Variants in FRMD4A observed in about 807,000 individuals in gnomAD.
The protein encoded by FRMD4A is FERM domain-containing protein 4A.
A neutral mutation model predicts 129.1 loss-of-function variants in FRMD4A; 29 were observed. The observed-to-expected ratio is 0.22, with a 90% CI of 0.17 to 0.31. The LOEUF (loss-of-function observed/expected upper bound fraction) is 0.31. Among genes scored for constraint, FRMD4A ranks in the 10% least tolerant of loss-of-function variants. The pLI, the probability that FRMD4A is intolerant of heterozygous loss-of-function variation, is 1.00. For synonymous variants in FRMD4A, 634 were observed against 571.6 expected, an observed-to-expected ratio of 1.11 and a Z score of -1.56; for missense variants, 1,272 against 1,375.8, an observed-to-expected ratio of 0.92 and a Z score of 1.19.
At chr10:13,676,136 G>C (rs1474684490) in intron 15 of FRMD4A, 2 of 152,064 alleles carry the variant, frequency 1.3e-5, no homozygotes, top group African/African-American at 4.8e-5. Context: ...GTAATTTCTG[G>C]GCTGCCAGTG....
chr10:14,300,930 T>C (rs1846162735), intron 2 of FRMD4A, among the ~76,000 whole-genome samples: 1 of 152,192 alleles, frequency 6.6e-6, no homozygotes, highest in African/African-American at 2.4e-5. Flanking sequence ...CTGAGAGTTT[T>C]GGCCAACAAA....
chr10:13,777,548 C>G (rs577773053), intron 6 of FRMD4A, among the ~76,000 whole-genome samples: 1 of 152,194 alleles, frequency 6.6e-6, no homozygotes, highest in East Asian at 1.9e-4. Context: ...AGCATGTGGG[C>G]TGATGCTGTC....
chr10:14,036,042 CAAAAAA>C (rs10596694), intron 2 of FRMD4A, among the ~76,000 whole-genome samples: 5 of 134,040 alleles, frequency 3.7e-5, no homozygotes, highest in Non-Finnish European at 4.8e-5. Context: ...AACTCCACCT[CAAAAAA>C]AAAAAAAAAA....
chr10:14,188,306 CT>C (rs1842210608), intron 2 of FRMD4A, among the ~76,000 whole-genome samples: 2 of 152,156 alleles, frequency 1.3e-5, no homozygotes, highest in African/African-American at 4.8e-5. Flanking sequence ...GGTTTGGTTG[CT>C]TTTCTCAGAC....
chr10:14,129,363 T>C (rs1434338384), intron 2 of FRMD4A, among the ~76,000 whole-genome samples: 1 of 112,370 alleles, frequency 8.9e-6, no homozygotes, highest in African/African-American at 3.3e-5. Flanking sequence ...AACAACACAA[T>C]TATGATTCAT....
intron 2 of FRMD4A, among the ~76,000 whole-genome samples, chr10:13,962,538 AT>A (rs934991892): frequency 6.6e-6 from 1 of 152,118 alleles, no homozygotes; most frequent in Non-Finnish European, 1.5e-5. Flanking sequence ...TGAAATATGC[AT>A]TTTTTCAAGG....
intron 9 of FRMD4A, among the ~76,000 whole-genome samples, chr10:13,740,821 A>AT (rs1368392741): frequency 1.1e-5 from 1 of 87,348 alleles, no homozygotes; most frequent in African/African-American, 5.8e-5. Flanking sequence ...TTTGTCTTGG[A>AT]TGTTTGTTTT....
chr10:13,656,819 C>T lies in FRMD4A; in HGVS notation c.2770G>A (p.Val924Ile), dbSNP rs779709485. The change falls in exon 22 of 25, where the codon GTC becomes ATC. Residue 924 changes from valine to isoleucine, a missense_variant. Transcript: ENST00000357447. ...AHDKGAGRAA[V>I]SDELRQWYQR... Reference sequence around the variant, plus strand: ...TACCACTGGCGCAGCTCGTCTGAGACGGCGGCACGGCCCGCGCCCTTGTCG... The same window carrying T: ...TACCACTGGCGCAGCTCGTCTGAGATGGCGGCACGGCCCGCGCCCTTGTCG... 5.7e-6 allele frequency: 9 copies of T among 1,573,244 alleles called. No homozygotes were observed. The highest frequency in any genetic ancestry group is 7.7e-6 in the Non-Finnish European group (9 of 1,162,992).
chr10:13,903,250 C>G (rs1565006335), intron 2 of FRMD4A, among the ~76,000 whole-genome samples: 1 of 152,172 alleles, frequency 6.6e-6, no homozygotes, highest in Non-Finnish European at 1.5e-5. Context: ...TCCCCCCGTT[C>G]CTAATCCCTT....
intron 6 of FRMD4A, among the ~76,000 whole-genome samples, chr10:13,779,321 A>AG (rs199552812): frequency 0.078 from 1,303 of 16,720 alleles, 16 homozygotes; most frequent in African/African-American, 0.18. Context: ...ATCTCCAAGA[A>AG]AAAAAAAAAA....
chr10:13,862,450 A>G (rs543164813), intron 2 of FRMD4A, among the ~76,000 whole-genome samples: 2 of 152,372 alleles, frequency 1.3e-5, no homozygotes, highest in South Asian at 4.1e-4. Flanking sequence ...AATAATCCTC[A>G]TTACATAAAA....
intron 3 of FRMD4A, among the ~76,000 whole-genome samples, chr10:13,815,937 CT>C (rs2093535129): frequency 6.6e-6 from 1 of 152,176 alleles, no homozygotes; most frequent in African/African-American, 2.4e-5. Flanking sequence ...GGTGATATGT[CT>C]CTCTGATTTA....
chr10:13,772,794 C>G (rs1357854263), intron 6 of FRMD4A, among the ~76,000 whole-genome samples: 9 of 151,994 alleles, frequency 5.9e-5, no homozygotes, highest in Non-Finnish European at 1.3e-4. Context: ...AGGATGGTTA[C>G]CAGAGGTTGG....
At chr10:14,174,455 G>A (rs939960847) in intron 2 of FRMD4A, among the ~76,000 whole-genome samples, 1 of 152,194 alleles carries the variant, frequency 6.6e-6, no homozygotes, top group Non-Finnish European at 1.5e-5. Context: ...GAGGCGAGGG[G>A]GGCTGAGCCG....
At chr10:13,676,098 C>T (rs535955091) in intron 15 of FRMD4A, 2 of 152,154 alleles carry the variant, frequency 1.3e-5, no homozygotes, top group East Asian at 3.9e-4. Flanking sequence ...GAAATGCCAT[C>T]TGGAGGAATT....
chr10:14,311,665 C>A (rs1846554121), intron 2 of FRMD4A, among the ~76,000 whole-genome samples: 1 of 143,172 alleles, frequency 7.0e-6, no homozygotes. Flanking sequence ...TCCAGGTGGT[C>A]ATGGCAGCCA....
intron 12 of FRMD4A, among the ~76,000 whole-genome samples, chr10:13,714,824 G>C (rs2088615507): frequency 6.6e-6 from 1 of 152,074 alleles, no homozygotes; most frequent in South Asian, 2.1e-4. Flanking sequence ...CCCATCGTGA[G>C]GTCAGAAGTT....
At chr10:14,326,085 G>A (rs1843262587) in intron 2 of FRMD4A, 1 of 152,102 alleles carries the variant, frequency 6.6e-6, no homozygotes, top group Non-Finnish European at 1.5e-5. Context: ...GAGTCTGAGA[G>A]AATAGAACCT....
chr10:13,905,596 A>T (rs2094873514), intron 2 of FRMD4A, among the ~76,000 whole-genome samples: 1 of 152,180 alleles, frequency 6.6e-6, no homozygotes, highest in African/African-American at 2.4e-5. Context: ...AATAATAATA[A>T]TATCTACTAT....
Sources: allele counts gnomAD v4.1 joint callset (sites outside exome capture counted in the v4.1 genomes callset), GRCh38; gene constraint gnomAD v4.1.1; transcripts MANE v1.5; gene names NCBI Gene and HGNC (gene_info 2026-07-23, HGNC 2026-07-21).